TPRG1: variants seen among roughly 807,000 people sequenced by gnomAD.
The protein encoded by TPRG1 is tumor protein p63 regulated 1, also known as tumor protein p63-regulated gene 1 protein.
Under a neutral mutation model 29.3 loss-of-function variants are expected in TPRG1, and 29 were observed. The ratio of observed to expected loss-of-function variants is 0.99; its 90% CI spans 0.74 to 1.35. The LOEUF is 1.35. TPRG1 is among the 40% of genes most tolerant of loss of function. The pLI is 0.00. For missense variants in TPRG1, 327 were observed against 335.0 expected (o/e 0.98, Z 0.19); for synonymous variants, 130 against 116.8 (o/e 1.11, Z -0.73).
intron 2 of TPRG1, among the ~76,000 whole-genome samples, chr3:189,212,958 C>G: frequency 6.6e-6 from 1 of 152,176 alleles, no homozygotes; most frequent in Admixed American, 6.5e-5. Flanking sequence ...CTATTCAGTG[C>G]TAGACTGTAA....
chr3:189,290,363 A>G (rs1718791598), intron 4 of TPRG1, among the ~76,000 whole-genome samples: 1 of 152,080 alleles, frequency 6.6e-6, no homozygotes, highest in South Asian at 2.1e-4. Flanking sequence ...ACACTCACAC[A>G]CTCATGTCTA....
intron 4 of TPRG1, among the ~76,000 whole-genome samples, chr3:189,059,356 G>A (rs543667708): frequency 3.0e-4 from 46 of 152,146 alleles, no homozygotes; most frequent in Admixed American, 7.2e-4. Flanking sequence ...ACTTTGGGAG[G>A]CTGAGGCGGG....
chr3:189,242,309 C>T (rs1740740523), intron 4 of TPRG1, among the ~76,000 whole-genome samples: 1 of 151,864 alleles, frequency 6.6e-6, no homozygotes, highest in South Asian at 2.1e-4. Flanking sequence ...TTATTATAAC[C>T]TTATATTATG....
At chr3:189,040,062 C>T (rs534573742) in intron 4 of TPRG1, among the ~76,000 whole-genome samples, 1 of 152,252 alleles carries the variant, frequency 6.6e-6, no homozygotes, top group South Asian at 2.1e-4. Context: ...TCTATAGAGG[C>T]TATGCCTGGA....
intron 1 of TPRG1, among the ~76,000 whole-genome samples, chr3:189,107,840 C>T (rs974031669): frequency 1.3e-5 from 2 of 152,012 alleles, no homozygotes; most frequent in South Asian, 4.1e-4. Context: ...ATTTTTATCT[C>T]TCTATGGAAT....
At chr3:189,132,070 C>T (rs779414735) in intron 2 of TPRG1, among the ~76,000 whole-genome samples, 57 of 152,262 alleles carry the variant, frequency 3.7e-4, no homozygotes, top group Admixed American at 6.5e-4. Context: ...TGATAGTGCA[C>T]GACTCCCTGA....
chr3:189,238,172 C>T (rs1172700306), intron 3 of TPRG1, among the ~76,000 whole-genome samples: 1 of 152,202 alleles, frequency 6.6e-6, no homozygotes, highest in East Asian at 1.9e-4. Context: ...ACTTGTTTCA[C>T]TACATTTCTA....
chr3:189,158,555 G>A (rs1727007074), intron 5 of TPRG1, among the ~76,000 whole-genome samples: 2 of 152,056 alleles, frequency 1.3e-5, no homozygotes, highest in Non-Finnish European at 2.9e-5. Flanking sequence ...GCTGCAGTGA[G>A]CTAAGATTGC....
intron 5 of TPRG1, among the ~76,000 whole-genome samples, chr3:189,310,820 A>G (rs7629189): frequency 0.058 from 8,862 of 152,030 alleles, 596 homozygotes; most frequent in African/African-American, 0.16. Context: ...TGGTGTATAT[A>G]CTTTCCCACA....
chr3:189,049,341 C>T (rs1360599653), intron 4 of TPRG1, among the ~76,000 whole-genome samples: 1 of 152,136 alleles, frequency 6.6e-6, no homozygotes, highest in African/African-American at 2.4e-5. Flanking sequence ...CTTCAGTTTG[C>T]AATGGGAGCT....
intron 4 of TPRG1, among the ~76,000 whole-genome samples, chr3:189,081,427 T>C (rs1156276630): frequency 6.6e-6 from 1 of 152,042 alleles, no homozygotes; most frequent in Non-Finnish European, 1.5e-5. Context: ...AAAAGGCAAG[T>C]CAGGGCAGGA....
chr3:189,022,768 TC>T (rs1351842040), intron 3 of TPRG1, among the ~76,000 whole-genome samples: 1 of 152,232 alleles, frequency 6.6e-6, no homozygotes. Context: ...AGTTGGAACT[TC>T]CCGGCTGCTT....
chr3:189,218,707 T>C (rs1736474952), intron 3 of TPRG1, among the ~76,000 whole-genome samples: 1 of 152,206 alleles, frequency 6.6e-6, no homozygotes. Context: ...CTGGAGAACA[T>C]GAAGTGCCCA....
chr3:189,224,804 C>G (rs538212668), intron 3 of TPRG1, among the ~76,000 whole-genome samples: 2 of 152,226 alleles, frequency 1.3e-5, no homozygotes, highest in African/African-American at 4.8e-5. Context: ...CCAGCTTTGC[C>G]AACACATTGC....
chr3:189,252,681 G>A (rs1293585592), intron 4 of TPRG1, among the ~76,000 whole-genome samples: 1 of 151,958 alleles, frequency 6.6e-6, no homozygotes, highest in Non-Finnish European at 1.5e-5. Context: ...AATTTAGGGG[G>A]GTTCTCAATT....
intron 3 of TPRG1, among the ~76,000 whole-genome samples, chr3:189,222,692 C>T (rs951008547): frequency 6.6e-6 from 1 of 152,212 alleles, no homozygotes; most frequent in Non-Finnish European, 1.5e-5. Context: ...ATAAGAATTT[C>T]GGTGGGTTCT....
chr3:189,202,580 T>C (rs1205932343), intron 1 of TPRG1, among the ~76,000 whole-genome samples: 1 of 152,242 alleles, frequency 6.6e-6, no homozygotes, highest in Non-Finnish European at 1.5e-5. Context: ...TTTTTTCTGA[T>C]GTGAGAACAA....
chr3:189,272,478 G>T (rs1343501209), intron 4 of TPRG1, among the ~76,000 whole-genome samples: 1 of 151,936 alleles, frequency 6.6e-6, no homozygotes, highest in Non-Finnish European at 1.5e-5. Context: ...AATATACATC[G>T]AGACTGTTGC....
intron 3 of TPRG1, among the ~76,000 whole-genome samples, chr3:189,220,187 C>T (rs1235433500): frequency 6.6e-6 from 1 of 151,804 alleles, no homozygotes; most frequent in African/African-American, 2.4e-5. Context: ...AATAGTTTTT[C>T]CTCTGTTGTG....
Sources: gnomAD v4.1 joint callset for allele counts (sites outside exome capture counted in the v4.1 genomes callset) on GRCh38, gnomAD v4.1.1 for gene constraint, MANE v1.5 for transcripts, NCBI Gene and HGNC (gene_info 2026-07-23, HGNC 2026-07-21) for gene names.